DYNC1I1: variants seen among roughly 807,000 people sequenced by gnomAD.
The protein encoded by DYNC1I1 is cytoplasmic dynein 1 intermediate chain 1.
A neutral mutation model predicts 86.6 loss-of-function variants in DYNC1I1; 43 were observed. That is an observed-to-expected ratio of 0.50 (90% CI 0.39 to 0.64). The LOEUF is 0.64. DYNC1I1 is among the 30% of genes least tolerant of loss of function. The pLI, the probability that DYNC1I1 is intolerant of heterozygous loss-of-function variation, is 0.00. For missense variants in DYNC1I1, 604 were observed against 788.8 expected (o/e 0.77, Z 2.81); for synonymous variants, 262 against 283.7 (o/e 0.92, Z 0.77).
At position 95,824,835 on chromosome 7, in the gene DYNC1I1, G is replaced by T. The variant is rs577481819; in HGVS notation, c.315-3222G>T. The stretch of plus-strand genomic sequence containing the variant: ...CATCTGCGGGGAAGCTGTCCTGCAC[G>T]GTTTACACAGAAGGAATTCGGCGAA... On this transcript the variant is annotated intron_variant, in intron 4 of 16. Coordinates refer to ENST00000447467, the MANE Select transcript of DYNC1I1 (RefSeq NM_001135556.2). 8.2e-4 allele frequency among the ~76,000 whole-genome samples: 125 copies of T among 152,260 alleles called. No individual in the cohort carries two copies. The Middle Eastern group carries it at 0.021, about 25-fold the overall frequency.
At chr7:96,081,988 C>T (rs1790534141) in intron 16 of DYNC1I1, among the ~76,000 whole-genome samples, 1 of 152,030 alleles carries the variant, frequency 6.6e-6, no homozygotes, top group African/African-American at 2.4e-5. Context: ...CTCCTGATAC[C>T]ACAAGCTGAG....
chr7:96,038,646 A>C (rs570222787), intron 13 of DYNC1I1, among the ~76,000 whole-genome samples: 87 of 152,362 alleles, frequency 5.7e-4, no homozygotes, highest in Non-Finnish European at 8.2e-4. Context: ...TATGGGATTT[A>C]CAGTGGATAT....
At chr7:96,053,816 A>G (rs138962425) in intron 14 of DYNC1I1, among the ~76,000 whole-genome samples, 1 of 152,232 alleles carries the variant, frequency 6.6e-6, no homozygotes, top group East Asian at 1.9e-4. Flanking sequence ...TCCTAGTATT[A>G]CACACAATGT....
chr7:96,109,768 C>A (rs974386741), intron 16 of DYNC1I1, among the ~76,000 whole-genome samples: 4 of 152,024 alleles, frequency 2.6e-5, no homozygotes, highest in African/African-American at 9.7e-5. Context: ...TAATTCCAAT[C>A]TTTTTAAGTT....
At chr7:96,047,547 G>A (rs1010043230) in intron 14 of DYNC1I1, among the ~76,000 whole-genome samples, 6 of 152,292 alleles carry the variant, frequency 3.9e-5, no homozygotes, top group South Asian at 2.1e-4. Flanking sequence ...AGAGGGTCAC[G>A]TGGACCTCAG....
chr7:95,953,445 G>A (rs547166031), intron 6 of DYNC1I1, among the ~76,000 whole-genome samples: 2 of 152,202 alleles, frequency 1.3e-5, no homozygotes, highest in South Asian at 4.1e-4. Context: ...AAAATGAAAC[G>A]TGTTTGGATT....
intron 6 of DYNC1I1, among the ~76,000 whole-genome samples, chr7:95,870,750 C>A (rs1396235551): frequency 6.6e-6 from 1 of 152,204 alleles, no homozygotes; most frequent in Non-Finnish European, 1.5e-5. Flanking sequence ...AAAATACACT[C>A]ATGAGAGAAG....
intron 6 of DYNC1I1, among the ~76,000 whole-genome samples, chr7:95,923,265 A>G (rs1791657948): frequency 6.6e-6 from 1 of 152,126 alleles, no homozygotes; most frequent in South Asian, 2.1e-4. Flanking sequence ...TGACCAGGAT[A>G]AGGTAGGACA....
At chr7:95,788,913 C>G (rs1440187696) in intron 1 of DYNC1I1, among the ~76,000 whole-genome samples, 2 of 152,188 alleles carry the variant, frequency 1.3e-5, no homozygotes, top group African/African-American at 4.8e-5. Flanking sequence ...GACCCCTTAG[C>G]ATGCATGGTC....
chr7:96,076,001 G>T, intron 14 of DYNC1I1, 56 bp from the exon 15 acceptor site: 1 of 1,589,632 alleles, frequency 6.3e-7, no homozygotes, highest in African/African-American at 1.3e-5. Context: ...AGGCTCTCTA[G>T]ACAGCCCGAG....
At chr7:95,935,511 C>T (rs1405863240) in intron 6 of DYNC1I1, among the ~76,000 whole-genome samples, 1 of 151,992 alleles carries the variant, frequency 6.6e-6, no homozygotes, top group Non-Finnish European at 1.5e-5. Flanking sequence ...ATTGCTGGAT[C>T]ATACAGCAAT....
intron 6 of DYNC1I1, among the ~76,000 whole-genome samples, chr7:95,929,742 T>C (rs1196831268): frequency 6.6e-6 from 1 of 152,240 alleles, no homozygotes; most frequent in East Asian, 1.9e-4. Context: ...TATTAAATTT[T>C]CTACAAATGT....
chr7:96,109,612 C>A (rs376652378), intron 16 of DYNC1I1, among the ~76,000 whole-genome samples: 1 of 152,010 alleles, frequency 6.6e-6, no homozygotes, highest in Non-Finnish European at 1.5e-5. Context: ...CAGAATACTT[C>A]CAAATATTTC....
intron 6 of DYNC1I1, among the ~76,000 whole-genome samples, chr7:95,928,676 C>G (rs892099223): frequency 1.3e-5 from 2 of 152,150 alleles, no homozygotes; most frequent in Admixed American, 6.5e-5. Context: ...TTCTCTGTTG[C>G]CTTTTACCTG....
chr7:95,832,615 T>G (rs927809807), intron 5 of DYNC1I1, among the ~76,000 whole-genome samples: 33 of 152,144 alleles, frequency 2.2e-4, no homozygotes, highest in Admixed American at 7.2e-4. Context: ...TTTCTCCACA[T>G]CCTCTCCAGC....
chr7:95,858,565 G>C (rs1325201306), intron 5 of DYNC1I1, among the ~76,000 whole-genome samples: 1 of 151,804 alleles, frequency 6.6e-6, no homozygotes, highest in Non-Finnish European at 1.5e-5. Flanking sequence ...TTATATGACT[G>C]GCAGTGCAGT....
At chr7:96,054,430 G>A (rs111245315) in intron 14 of DYNC1I1, among the ~76,000 whole-genome samples, 44,991 of 152,050 alleles carry the variant, frequency 0.3, 7,266 homozygotes, top group African/African-American at 0.43. Context: ...TATTGTGAAC[G>A]ATGCTGCAAT....
At chr7:96,094,429 A>G (rs576441669) in intron 16 of DYNC1I1, among the ~76,000 whole-genome samples, 1 of 152,308 alleles carries the variant, frequency 6.6e-6, no homozygotes, top group Admixed American at 6.5e-5. Flanking sequence ...ATCAGAGACT[A>G]CCACGTGAGA....
intron 6 of DYNC1I1, among the ~76,000 whole-genome samples, chr7:95,881,934 G>A (rs895031226): frequency 6.6e-6 from 1 of 152,172 alleles, no homozygotes; most frequent in African/African-American, 2.4e-5. Flanking sequence ...CTGTTCACAG[G>A]GGTGGGATTT....
Sources: gnomAD v4.1 joint callset for allele counts (sites outside exome capture counted in the v4.1 genomes callset) on GRCh38, gnomAD v4.1.1 for gene constraint, MANE v1.5 for transcripts, NCBI Gene and HGNC (gene_info 2026-07-23, HGNC 2026-07-21) for gene names.